TENM3: variants seen among roughly 807,000 people sequenced by gnomAD.
The protein encoded by TENM3 is teneurin transmembrane protein 3, also known as teneurin-3.
TENM3 carries 63 observed loss-of-function variants against 255.1 expected under a neutral mutation model. That is an observed-to-expected ratio of 0.25 (90% CI 0.20 to 0.30). The LOEUF is 0.30. TENM3 is among the 10% of genes least tolerant of loss of function. The pLI is 1.00. For missense variants in TENM3, 2,929 were observed against 3,461.1 expected, an observed-to-expected ratio of 0.85 and a Z score of 3.86; for synonymous variants, 1,306 against 1,322.3, an observed-to-expected ratio of 0.99 and a Z score of 0.27.
At chr4:181,798,614 A>G in the TENM3 span, among the ~76,000 whole-genome samples, 1 of 152,232 alleles carries the variant, frequency 6.6e-6, no homozygotes. Flanking sequence ...TCAAAAACCA[A>G]TGCAGGCTGG....
chr4:182,234,838 C>T (rs574531747), intron 1 of TENM3, among the ~76,000 whole-genome samples: 3 of 152,192 alleles, frequency 2.0e-5, no homozygotes, highest in African/African-American at 7.2e-5. Flanking sequence ...AGTAAGTGTA[C>T]TGATAGAGAT....
chr4:181,724,349 C>CT, the TENM3 span, among the ~76,000 whole-genome samples: 114 of 149,518 alleles, frequency 7.6e-4, no homozygotes, highest in East Asian at 2.4e-3. Context: ...TCCATTTTCT[C>CT]TTTTTTTTTT....
Position 182,199,720 on chromosome 4 carries a change from C to CTTTT in TENM3, c.-76+54986_-76+54989dup, listed in dbSNP as rs367906246. On this transcript the variant is annotated intron_variant, in intron 1 of 2. Coordinates refer to the TENM3 transcript ENST00000512480. ...TAGATGGCTTTGTGGAACATCATTGCTTTTTTTTTTTTTTTTTTTTTTTGA... is the reference window on the plus strand; with the variant it reads ...TAGATGGCTTTGTGGAACATCATTGCTTTTTTTTTTTTTTTTTTTTTTTTTTTGA... 3.5e-3 allele frequency among the ~76,000 whole-genome samples: 370 copies of CTTTT among 104,816 alleles called. 3 individuals are homozygous for CTTTT. Among genetic ancestry groups the CTTTT allele is most frequent in the East Asian group, 0.011 (30 of 2,846 alleles). The allele number at this position is 104,816 out of a possible 152,430, so 68.8% of individuals were successfully genotyped here. A position where few individuals can be genotyped will look rare whatever the true frequency, so the allele number is the denominator to read the frequency against.
At chr4:181,513,924 T>G in the TENM3 span, among the ~76,000 whole-genome samples, 1 of 152,218 alleles carries the variant, frequency 6.6e-6, no homozygotes, top group Non-Finnish European at 1.5e-5. Flanking sequence ...CTTTTATTCC[T>G]TTTCCTTTTA....
chr4:181,706,833 G>A, the TENM3 span, among the ~76,000 whole-genome samples: 11 of 152,250 alleles, frequency 7.2e-5, no homozygotes, highest in Non-Finnish European at 1.2e-4. Context: ...TCTCCATCGC[G>A]GGGCCGTCTT....
the TENM3 span, among the ~76,000 whole-genome samples, chr4:181,932,402 CAT>C: frequency 6.6e-6 from 1 of 152,164 alleles, no homozygotes; most frequent in South Asian, 2.1e-4. Flanking sequence ...GGCCAACAAA[CAT>C]ATGAAAAAAA....
the TENM3 span, among the ~76,000 whole-genome samples, chr4:181,865,875 ATATC>A: frequency 2.6e-5 from 4 of 152,202 alleles, no homozygotes; most frequent in Non-Finnish European, 5.9e-5. Flanking sequence ...ATATAGAAAA[ATATC>A]TATCTATGAA....
At chr4:181,911,310 G>C in the TENM3 span, among the ~76,000 whole-genome samples, 1 of 152,166 alleles carries the variant, frequency 6.6e-6, no homozygotes, top group Non-Finnish European at 1.5e-5. Context: ...TAAGGTGGTG[G>C]TTGACAAACC....
At chr4:181,680,240 T>C in the TENM3 span, among the ~76,000 whole-genome samples, 1 of 152,148 alleles carries the variant, frequency 6.6e-6, no homozygotes, top group African/African-American at 2.4e-5. Flanking sequence ...TCTTTCTTTC[T>C]CTCTCAAGTA....
At chr4:182,230,812 C>CTATA (rs55642239) in intron 1 of TENM3, among the ~76,000 whole-genome samples, 3,103 of 57,372 alleles carry the variant, frequency 0.054, 239 homozygotes, top group Middle Eastern at 0.069. Context: ...GTTTCTCAAA[C>CTATA]TATATATATA....
chr4:182,484,958 T>C (rs973246317), intron 3 of TENM3, among the ~76,000 whole-genome samples: 1 of 152,210 alleles, frequency 6.6e-6, no homozygotes, highest in South Asian at 2.1e-4. Context: ...TTAGACATTT[T>C]ATGATGTTTC....
At chr4:181,524,406 C>T in the TENM3 span, among the ~76,000 whole-genome samples, 11 of 152,212 alleles carry the variant, frequency 7.2e-5, no homozygotes, top group African/African-American at 9.6e-5. Context: ...GAAGCAAAAG[C>T]GAACTCCGTG....
chr4:182,535,468 C>T (rs1197338682), intron 3 of TENM3, among the ~76,000 whole-genome samples: 6 of 151,980 alleles, frequency 3.9e-5, no homozygotes, highest in Non-Finnish European at 8.8e-5. Context: ...GGAGTGGTGG[C>T]TCATGCCTGT....
chr4:182,544,451 C>G (rs995027075), intron 3 of TENM3, among the ~76,000 whole-genome samples: 4 of 149,174 alleles, frequency 2.7e-5, no homozygotes, highest in Non-Finnish European at 5.9e-5. Flanking sequence ...CTACCTCAGT[C>G]TCTCGAGTAG....
the TENM3 span, among the ~76,000 whole-genome samples, chr4:181,895,028 T>C: frequency 6.6e-6 from 1 of 152,094 alleles, no homozygotes; most frequent in Non-Finnish European, 1.5e-5. Flanking sequence ...GCCATAGTTA[T>C]TTATTTATTC....
At chr4:182,533,881 C>T (rs2151851830) in intron 3 of TENM3, among the ~76,000 whole-genome samples, 1 of 152,032 alleles carries the variant, frequency 6.6e-6, no homozygotes, top group East Asian at 1.9e-4. Context: ...TGCACCCCAG[C>T]CTGGGCGACA....
At chr4:182,667,406 G>C (rs902041819) in intron 6 of TENM3, among the ~76,000 whole-genome samples, 6 of 152,042 alleles carry the variant, frequency 3.9e-5, no homozygotes, top group African/African-American at 1.4e-4. Flanking sequence ...GGCCGGGCTG[G>C]TCTCGAACTC....
chr4:182,045,160 C>G, the TENM3 span, among the ~76,000 whole-genome samples: 1 of 152,090 alleles, frequency 6.6e-6, no homozygotes, highest in Non-Finnish European at 1.5e-5. Context: ...ACTTCTTAGT[C>G]CTGTCCTTCT....
At chr4:182,275,626 CT>C (rs563728699) in intron 1 of TENM3, among the ~76,000 whole-genome samples, 1 of 151,878 alleles carries the variant, frequency 6.6e-6, no homozygotes, top group Non-Finnish European at 1.5e-5. Flanking sequence ...AGTAAGTACT[CT>C]TTAAAAAAAA....
Sources: gnomAD v4.1 joint callset for allele counts (sites outside exome capture counted in the v4.1 genomes callset) on GRCh38, gnomAD v4.1.1 for gene constraint, MANE v1.5 for transcripts, NCBI Gene and HGNC (gene_info 2026-07-23, HGNC 2026-07-21) for gene names.